The following LRMDA variants were observed in gnomAD, a reference collection of about 807,000 sequenced individuals.
The protein encoded by LRMDA is leucine rich melanocyte differentiation associated.
A neutral mutation model predicts 29.8 loss-of-function variants in LRMDA; 18 were observed. That is an observed-to-expected ratio of 0.60 (90% CI 0.42 to 0.90). The LOEUF is 0.90. Ranked by LOEUF, LRMDA falls within the 40% of genes least tolerant of loss-of-function variation. The probability of loss-of-function intolerance (pLI) is 0.00; values close to 1 mark genes in which losing one functional copy is unlikely to be tolerated. For missense variants in LRMDA, 273 were observed against 273.9 expected (o/e 1.00, Z 0.02); for synonymous variants, 125 against 109.4 (o/e 1.14, Z -0.89).
At chr10:76,236,837 T>C (rs1417893844) in intron 5 of LRMDA, among the ~76,000 whole-genome samples, 1 of 151,990 alleles carries the variant, frequency 6.6e-6, no homozygotes, top group East Asian at 1.9e-4. Flanking sequence ...AATACTGTTA[T>C]CAAAATATTT....
At chr10:76,091,716 C>T (rs914270264) in intron 5 of LRMDA, among the ~76,000 whole-genome samples, 1 of 152,114 alleles carries the variant, frequency 6.6e-6, no homozygotes, top group African/African-American at 2.4e-5. Context: ...GAGGTAGAGT[C>T]TCTCTTTGTT....
At chr10:76,464,806 G>A (rs375509789) in intron 6 of LRMDA, 7 of 152,100 alleles carry the variant, frequency 4.6e-5, no homozygotes, top group Admixed American at 1.3e-4. Context: ...CTTCATCACC[G>A]TGTAGGTAAT....
intron 5 of LRMDA, among the ~76,000 whole-genome samples, chr10:76,188,433 A>G (rs1324180486): frequency 1.3e-5 from 2 of 152,206 alleles, no homozygotes; most frequent in Non-Finnish European, 2.9e-5. Flanking sequence ...AATCTTTATT[A>G]GACCCTTCTT....
intron 2 of LRMDA, among the ~76,000 whole-genome samples, chr10:75,543,981 G>A (rs1460496567): frequency 1.3e-5 from 2 of 152,120 alleles, no homozygotes; most frequent in African/African-American, 2.4e-5. Context: ...CATGTTTAAA[G>A]TTGGGGTCCC....
chr10:75,574,273 T>C (rs1564804351), intron 2 of LRMDA, among the ~76,000 whole-genome samples: 1 of 152,080 alleles, frequency 6.6e-6, no homozygotes, highest in Admixed American at 6.5e-5. Context: ...GGTAATTTCT[T>C]TCTCTCTCTC....
At chr10:75,562,934 C>T (rs1840317838) in intron 2 of LRMDA, among the ~76,000 whole-genome samples, 2 of 152,120 alleles carry the variant, frequency 1.3e-5, no homozygotes, top group South Asian at 2.1e-4. Context: ...TGAGGGTAAC[C>T]CGACCTTTCT....
chr10:76,299,042 T>C (rs1416677262), intron 5 of LRMDA, among the ~76,000 whole-genome samples: 1 of 152,116 alleles, frequency 6.6e-6, no homozygotes, highest in Non-Finnish European at 1.5e-5. Flanking sequence ...AAATAAGAAA[T>C]TATTAAATTA....
intron 2 of LRMDA, among the ~76,000 whole-genome samples, chr10:75,897,454 C>T (rs929665779): frequency 2.3e-4 from 35 of 152,168 alleles, no homozygotes; most frequent in African/African-American, 8.4e-4. Context: ...ATGAGGAGTG[C>T]TTAGCAATCA....
chr10:75,697,008 C>G (rs1842243185), intron 2 of LRMDA, among the ~76,000 whole-genome samples: 1 of 152,128 alleles, frequency 6.6e-6, no homozygotes, highest in African/African-American at 2.4e-5. Context: ...CCTGCAGATT[C>G]ACTTGATTCT....
chr10:76,093,074 G>T (rs1465238935), intron 5 of LRMDA, among the ~76,000 whole-genome samples: 4 of 152,056 alleles, frequency 2.6e-5, no homozygotes, highest in Admixed American at 2.6e-4. Flanking sequence ...TTTTGCTCTT[G>T]TTGCCCAGGC....
intron 5 of LRMDA, among the ~76,000 whole-genome samples, chr10:76,122,820 ACT>A (rs2132126405): frequency 6.6e-6 from 1 of 151,924 alleles, no homozygotes; most frequent in South Asian, 2.1e-4. Context: ...GCTCACCCCA[ACT>A]CTAAGGCTGC....
chr10:75,798,548 A>G (rs1057203167), intron 2 of LRMDA, among the ~76,000 whole-genome samples: 6 of 152,020 alleles, frequency 3.9e-5, no homozygotes, highest in African/African-American at 1.4e-4. Context: ...GCTTGTTAAT[A>G]TGGAAACTTG....
At chr10:76,055,781 C>T (rs956705063) in intron 4 of LRMDA, among the ~76,000 whole-genome samples, 4 of 152,236 alleles carry the variant, frequency 2.6e-5, no homozygotes, top group African/African-American at 9.6e-5. Context: ...CCAGCTTCCA[C>T]TGCAGGCACT....
chr10:75,999,040 C>A (rs922370774), intron 2 of LRMDA, among the ~76,000 whole-genome samples: 2 of 152,182 alleles, frequency 1.3e-5, no homozygotes, highest in Non-Finnish European at 2.9e-5. Context: ...CTACATGTTG[C>A]TCTTGCTATG....
At chr10:75,570,271 T>A (rs1840422538) in intron 2 of LRMDA, among the ~76,000 whole-genome samples, 1 of 152,224 alleles carries the variant, frequency 6.6e-6, no homozygotes. Context: ...TGAAAGTATC[T>A]TGAAAGGTTA....
chr10:75,675,746 GT>G (rs1218104670), intron 2 of LRMDA, among the ~76,000 whole-genome samples: 7 of 151,820 alleles, frequency 4.6e-5, no homozygotes, highest in African/African-American at 1.7e-4. Context: ...ATCTTTACCA[GT>G]TGATTTTTAC....
At chr10:76,469,910 C>T (rs547443899) in intron 6 of LRMDA, among the ~76,000 whole-genome samples, 3 of 152,214 alleles carry the variant, frequency 2.0e-5, no homozygotes, top group Admixed American at 1.3e-4. Context: ...ACACTGTCAT[C>T]ATCCCAAGAA....
intron 2 of LRMDA, among the ~76,000 whole-genome samples, chr10:75,900,295 G>A (rs912746270): frequency 1.3e-5 from 2 of 152,290 alleles, no homozygotes; most frequent in East Asian, 1.9e-4. Flanking sequence ...TAACTTGGTC[G>A]TAAAACTGTG....
chr10:76,242,561 CT>C (rs1852296175), intron 5 of LRMDA, among the ~76,000 whole-genome samples: 2 of 152,172 alleles, frequency 1.3e-5, no homozygotes, highest in Admixed American at 1.3e-4. Flanking sequence ...ACATGCCCAT[CT>C]TTTCCTTCTG....
Sources: allele counts gnomAD v4.1 joint callset (sites outside exome capture counted in the v4.1 genomes callset), GRCh38; gene constraint gnomAD v4.1.1; transcripts MANE v1.5; gene names NCBI Gene and HGNC (gene_info 2026-07-23, HGNC 2026-07-21).